The following MAML2 variants were observed in gnomAD, a reference collection of about 807,000 sequenced individuals.
MAML2 encodes mastermind-like protein 2.
A neutral mutation model predicts 96.1 loss-of-function variants in MAML2; 22 were observed. That is an observed-to-expected ratio of 0.23 (90% CI 0.16 to 0.33). The LOEUF is 0.33. MAML2 is among the 10% of genes least tolerant of loss of function. The pLI, the probability that MAML2 is intolerant of heterozygous loss-of-function variation, is 1.00. For synonymous variants in MAML2, 561 were observed against 521.3 expected, an observed-to-expected ratio of 1.08 and a Z score of -1.04; for missense variants, 1,367 against 1,392.4, an observed-to-expected ratio of 0.98 and a Z score of 0.29.
chr11:96,342,831 C>G lies in MAML2; in HGVS notation c.-936G>C. The stretch of plus-strand genomic sequence containing the variant: ...TCCCGCTTACGTTTCTATTCCTCAC[C>G]CCCGGCTCTATTCTAATACAGTATC... On this transcript the variant is annotated 5_prime_UTR_variant, in exon 1 of 5. Coordinates refer to ENST00000524717, the MANE Select transcript of MAML2 (RefSeq NM_032427.4). The G allele has an allele frequency of 3.1e-6, 1 of 323,806 alleles. No homozygotes were observed. The highest frequency in any genetic ancestry group is 5.6e-6 in the Non-Finnish European group (1 of 178,932). 20.1% of individuals were successfully genotyped at this position (323,806 alleles called of 1,614,324 possible).
chr11:96,316,930 A>G (rs1863640821), intron 1 of MAML2, among the ~76,000 whole-genome samples: 1 of 152,168 alleles, frequency 6.6e-6, no homozygotes, highest in Admixed American at 6.5e-5. Context: ...AGAAGAGCAG[A>G]TAGTTGGACT....
chr11:96,248,699 A>C (rs1862543050), intron 1 of MAML2, among the ~76,000 whole-genome samples: 1 of 152,162 alleles, frequency 6.6e-6, no homozygotes, highest in South Asian at 2.1e-4. Context: ...ATACAAAAAA[A>C]AATCTTGACT....
chr11:96,326,990 C>A (rs1217944385), intron 1 of MAML2, among the ~76,000 whole-genome samples: 3 of 152,034 alleles, frequency 2.0e-5, no homozygotes, highest in African/African-American at 4.8e-5. Flanking sequence ...CACAAATAAA[C>A]AAAGAATCAA....
chr11:96,250,934 T>C (rs1263822922), intron 1 of MAML2, among the ~76,000 whole-genome samples: 5 of 152,224 alleles, frequency 3.3e-5, no homozygotes, highest in Non-Finnish European at 5.9e-5. Flanking sequence ...CAGGAAGAAC[T>C]ATAATTGAAA....
chr11:95,990,764 T>C lies in MAML2; in HGVS notation c.2343+756A>G, dbSNP rs1048679959. ...TATTTGATTTTGTTGTTATCTTTTC[T>C]GTATACTTTAGCTCTAATTCACCTG... is the stretch of plus-strand genomic sequence containing the variant. On this transcript the variant is annotated intron_variant, in intron 3 of 4. Transcript: ENST00000524717. Among the ~76,000 whole-genome samples, 30 of 152,182 alleles carry C rather than the reference T, an allele frequency of 2.0e-4. 1 individual carries two copies. Among genetic ancestry groups the C allele is most frequent in the Admixed American group, 1.8e-3 (27 of 15,282 alleles).
chr11:96,274,122 G>A (rs1417829151), intron 1 of MAML2, among the ~76,000 whole-genome samples: 2 of 125,326 alleles, frequency 1.6e-5, no homozygotes, highest in Non-Finnish European at 3.1e-5. Context: ...TCGCTCTGTA[G>A]CTCAGGCTGG....
At chr11:96,273,282 A>G (rs1862940918) in intron 1 of MAML2, among the ~76,000 whole-genome samples, 1 of 152,214 alleles carries the variant, frequency 6.6e-6, no homozygotes, top group Non-Finnish European at 1.5e-5. Context: ...TCCCCATAAA[A>G]GTTGTAAATG....
Position 96,160,793 on chromosome 11 carries a change from A to G in MAML2, c.514-67276T>C, listed in dbSNP as rs143234095. On this transcript the variant is annotated intron_variant, in intron 1 of 4. Coordinates refer to ENST00000524717, the MANE Select transcript of MAML2 (RefSeq NM_032427.4). ...TTTAAAGATTCGTTTTGAGGATTCAATAAAATAAGGAATAGAATCTATGTA... is the reference window on the plus strand; with the variant it reads ...TTTAAAGATTCGTTTTGAGGATTCAGTAAAATAAGGAATAGAATCTATGTA... Among the ~76,000 whole-genome samples the G allele has an allele frequency of 3.0e-3, 450 of 152,318 alleles. 9 individuals are homozygous for G. Among genetic ancestry groups the G allele is most frequent in the Admixed American group, 0.019 (290 of 15,296 alleles).
At chr11:96,086,641 C>A (rs1287117019) in intron 2 of MAML2, among the ~76,000 whole-genome samples, 2 of 152,178 alleles carry the variant, frequency 1.3e-5, no homozygotes, top group Non-Finnish European at 1.5e-5. Flanking sequence ...TACTGCACCA[C>A]AATTTCTTAT....
chr11:96,077,814 T>C (rs1415334436), intron 2 of MAML2, among the ~76,000 whole-genome samples: 1 of 152,192 alleles, frequency 6.6e-6, no homozygotes, highest in Non-Finnish European at 1.5e-5. Context: ...TTATAGGCTA[T>C]AGAAATACAA....
intron 1 of MAML2, among the ~76,000 whole-genome samples, chr11:96,307,419 T>G (rs1004292413): frequency 6.6e-6 from 1 of 152,132 alleles, no homozygotes; most frequent in African/African-American, 2.4e-5. Context: ...ATATATCCCT[T>G]AAAGTATATT....
At chr11:96,128,080 A>C (rs1425511131) in intron 1 of MAML2, among the ~76,000 whole-genome samples, 1 of 152,104 alleles carries the variant, frequency 6.6e-6, no homozygotes, top group African/African-American at 2.4e-5. Flanking sequence ...TGGGTCTAAA[A>C]AGCTCCCAGG....
chr11:96,134,161 T>C (rs1258749799), intron 1 of MAML2, among the ~76,000 whole-genome samples: 1 of 152,220 alleles, frequency 6.6e-6, no homozygotes, highest in Non-Finnish European at 1.5e-5. Context: ...GAATATGACT[T>C]ACTGAAGATT....
At chr11:96,157,978 C>T (rs879447139) in intron 1 of MAML2, among the ~76,000 whole-genome samples, 1 of 152,188 alleles carries the variant, frequency 6.6e-6, no homozygotes, top group Non-Finnish European at 1.5e-5. Context: ...ATTCTTATAT[C>T]CCTTTCCATT....
chr11:96,013,205 A>G (rs1195767523), intron 2 of MAML2, among the ~76,000 whole-genome samples: 1 of 152,220 alleles, frequency 6.6e-6, no homozygotes, highest in Non-Finnish European at 1.5e-5. Context: ...ATCAACAAAC[A>G]TATTGTTTTT....
chr11:96,197,683 G>A (rs1861751058), intron 1 of MAML2, among the ~76,000 whole-genome samples: 1 of 152,114 alleles, frequency 6.6e-6, no homozygotes, highest in Non-Finnish European at 1.5e-5. Flanking sequence ...AGTGTGTGAG[G>A]ATACCAGACC....
At position 96,005,246 on chromosome 11, in the gene MAML2, G is replaced by A. The variant is rs370557024; in HGVS notation, c.2140-13523C>T. On this transcript the variant is annotated intron_variant, in intron 2 of 4. Coordinates refer to ENST00000524717, the MANE Select transcript of MAML2 (RefSeq NM_032427.4). Reference sequence around the variant, plus strand: ...TTAGCATTTATTTTAACTATTATCTGCTCTGACAATTTTTACTTCTTATCA... The same window carrying A: ...TTAGCATTTATTTTAACTATTATCTACTCTGACAATTTTTACTTCTTATCA... Among the ~76,000 whole-genome samples the A allele has an allele frequency of 2.7e-5, 4 of 147,032 alleles. No individual in the cohort carries two copies. The East Asian group carries it at 6.3e-4, about 23-fold the overall frequency.
At chr11:96,337,689 T>G (rs1283064694) in intron 1 of MAML2, among the ~76,000 whole-genome samples, 1 of 152,234 alleles carries the variant, frequency 6.6e-6, no homozygotes. Flanking sequence ...CTATTTACAA[T>G]AAGTGCTATT....
At chr11:96,295,957 C>T (rs1252819451) in intron 1 of MAML2, among the ~76,000 whole-genome samples, 1 of 151,466 alleles carries the variant, frequency 6.6e-6, no homozygotes, top group Non-Finnish European at 1.5e-5. Context: ...CACACACACA[C>T]ACACACACAC....
Sources: gnomAD v4.1 joint callset for allele counts (sites outside exome capture counted in the v4.1 genomes callset) on GRCh38, gnomAD v4.1.1 for gene constraint, MANE v1.5 for transcripts, NCBI Gene and HGNC (gene_info 2026-07-23, HGNC 2026-07-21) for gene names.